The following ANKRD30B variants were observed in gnomAD, a reference collection of about 807,000 sequenced individuals.
ANKRD30B encodes ankyrin repeat domain 30B.
In ANKRD30B, 144 loss-of-function variants were observed where a neutral mutation model predicts 202.2. The ratio of observed to expected loss-of-function variants is 0.71; its 90% confidence interval spans 0.62 to 0.82. The LOEUF is 0.82. ANKRD30B is among the 40% of genes least tolerant of loss of function. ANKRD30B has a pLI of 0.00. For missense variants in ANKRD30B, 1,487 were observed against 1,669.1 expected (o/e 0.89, Z 1.90); for synonymous variants, 508 against 561.3 (o/e 0.91, Z 1.34).
At chr18:14,900,769 C>G in the ANKRD30B span, among the ~76,000 whole-genome samples, 2 of 152,176 alleles carry the variant, frequency 1.3e-5, no homozygotes, top group East Asian at 3.9e-4. Context: ...AGGTAGCCAG[C>G]AGAAGCCCTT....
At chr18:14,840,137 A>G (rs926835619) in intron 36 of ANKRD30B, among the ~76,000 whole-genome samples, 1 of 152,236 alleles carries the variant, frequency 6.6e-6, no homozygotes, top group African/African-American at 2.4e-5. Context: ...TTGGTTTTCA[A>G]TATGTGAACA....
the ANKRD30B span, among the ~76,000 whole-genome samples, chr18:14,912,374 T>A: frequency 8.5e-5 from 13 of 152,340 alleles, no homozygotes; most frequent in Middle Eastern, 3.4e-3. Context: ...ATTGAGATAA[T>A]CATATAGTTT....
Position 14,797,763 on chromosome 18 carries a change from T to G in ANKRD30B, c.1957-19T>G, listed in dbSNP as rs1160961433. Reference sequence around the variant, plus strand: ...AGTGTACATTATATATTAATTTTTGTGTTTCCGAACCCATTTAGCCTACCT... The same window carrying G: ...AGTGTACATTATATATTAATTTTTGGGTTTCCGAACCCATTTAGCCTACCT... On this transcript the variant is annotated intron_variant, in intron 19 of 43. Transcript: ENST00000690538. 2 of 1,582,166 alleles carry G rather than the reference T, an allele frequency of 1.3e-6. No individual in the cohort carries two copies. Among genetic ancestry groups the G allele is most frequent in the Non-Finnish European group, 1.7e-6 (2 of 1,162,948 alleles).
chr18:14,752,733 G>A, intron 2 of ANKRD30B, 53 bp downstream of exon 2: 1 of 1,538,948 alleles, frequency 6.5e-7, no homozygotes, highest in Non-Finnish European at 8.8e-7. Context: ...TAAATACATA[G>A]AATAAAAATG....
the ANKRD30B span, among the ~76,000 whole-genome samples, chr18:14,902,700 A>G: frequency 6.6e-6 from 1 of 152,158 alleles, no homozygotes; most frequent in Non-Finnish European, 1.5e-5. Context: ...CAATGATCCC[A>G]GGGTACCGCC....
the ANKRD30B span, among the ~76,000 whole-genome samples, chr18:14,919,948 G>T: frequency 6.6e-6 from 1 of 152,224 alleles, no homozygotes; most frequent in Non-Finnish European, 1.5e-5. Context: ...CTCTGGGGAA[G>T]GCCCCAAGAG....
chr18:14,870,779 T>C, the ANKRD30B span, among the ~76,000 whole-genome samples: 1 of 152,088 alleles, frequency 6.6e-6, no homozygotes, highest in South Asian at 2.1e-4. Context: ...CTCCCCAGTA[T>C]CTTCTGCTAA....
the ANKRD30B span, among the ~76,000 whole-genome samples, chr18:14,882,933 G>C: frequency 6.6e-6 from 1 of 152,188 alleles, no homozygotes; most frequent in Non-Finnish European, 1.5e-5. Flanking sequence ...ACTGCTGCTC[G>C]CTTTTGGTGT....
At chr18:14,831,280 T>G (rs1229591408) in intron 33 of ANKRD30B, 103 bp from the exon 34 acceptor site, 9 of 733,650 alleles carry the variant, frequency 1.2e-5, no homozygotes, top group Non-Finnish European at 2.0e-5. Context: ...CCAGATTTTG[T>G]TTTTTGTTCT....
chr18:14,912,497 T>C, the ANKRD30B span, among the ~76,000 whole-genome samples: 1 of 152,218 alleles, frequency 6.6e-6, no homozygotes, highest in African/African-American at 2.4e-5. Context: ...ATCTTTTTGA[T>C]GTGCTCTTGG....
the ANKRD30B span, among the ~76,000 whole-genome samples, chr18:14,904,799 G>T: frequency 6.6e-6 from 1 of 152,172 alleles, no homozygotes; most frequent in Non-Finnish European, 1.5e-5. Flanking sequence ...AAAGTTACAG[G>T]CAAAGACATA....
At chr18:14,882,054 A>G in the ANKRD30B span, among the ~76,000 whole-genome samples, 1 of 152,152 alleles carries the variant, frequency 6.6e-6, no homozygotes, top group African/African-American at 2.4e-5. Context: ...CAAATAACCA[A>G]CTTTTTGCTT....
chr18:14,815,209 C>A (rs1970022484), intron 30 of ANKRD30B, among the ~76,000 whole-genome samples: 1 of 100,748 alleles, frequency 9.9e-6, no homozygotes, highest in East Asian at 2.7e-4. Context: ...GGTGGGAAGC[C>A]ATTAGGGATG....
At chr18:14,893,695 A>G in the ANKRD30B span, among the ~76,000 whole-genome samples, 3 of 152,076 alleles carry the variant, frequency 2.0e-5, no homozygotes, top group Non-Finnish European at 4.4e-5. Flanking sequence ...ATAATAGAAA[A>G]ATATGTAATA....
intron 24 of ANKRD30B, among the ~76,000 whole-genome samples, chr18:14,804,740 G>C (rs1969393652): frequency 6.6e-6 from 1 of 150,870 alleles, no homozygotes; most frequent in South Asian, 2.1e-4. Flanking sequence ...AGAAATTGTA[G>C]ATGGAAGATA....
At chr18:14,809,747 G>T (rs1461290064) in intron 26 of ANKRD30B, among the ~76,000 whole-genome samples, 1 of 151,020 alleles carries the variant, frequency 6.6e-6, no homozygotes, top group Non-Finnish European at 1.5e-5. Flanking sequence ...AATCCTGCAT[G>T]CAATTTTGTT....
chr18:14,934,382 G>A, the ANKRD30B span, among the ~76,000 whole-genome samples: 2 of 152,194 alleles, frequency 1.3e-5, no homozygotes, highest in African/African-American at 2.4e-5. Flanking sequence ...CATACTCACA[G>A]CAGTGACACT....
chr18:14,800,063 G>A (rs927007934), intron 22 of ANKRD30B, among the ~76,000 whole-genome samples: 16 of 151,408 alleles, frequency 1.1e-4, no homozygotes, highest in African/African-American at 1.7e-4. Flanking sequence ...AAACCCCATC[G>A]CTACTAAAAA....
intron 15 of ANKRD30B, among the ~76,000 whole-genome samples, chr18:14,790,703 C>T (rs560599564): frequency 3.3e-5 from 5 of 151,874 alleles, no homozygotes; most frequent in South Asian, 2.1e-4. Context: ...TATTGATTTG[C>T]GTATATTGAA....
Sources: allele counts gnomAD v4.1 joint callset (sites outside exome capture counted in the v4.1 genomes callset), GRCh38; gene constraint gnomAD v4.1.1; transcripts MANE v1.5; gene names NCBI Gene and HGNC (gene_info 2026-07-23, HGNC 2026-07-21).